Variants in SNX5 observed in about 807,000 individuals in gnomAD.
The protein encoded by SNX5 is sorting nexin-5.
In SNX5, 31 loss-of-function variants were observed where a neutral mutation model predicts 53.9. That is an observed-to-expected ratio of 0.58 (90% confidence interval 0.43 to 0.78). SNX5 has a LOEUF of 0.78. Ranked by LOEUF, SNX5 falls within the 30% of genes least tolerant of loss-of-function variation. SNX5 has a pLI of 0.00. For synonymous variants in SNX5, 168 were observed against 171.1 expected (o/e 0.98, Z 0.14); for missense variants, 471 against 478.8 (o/e 0.98, Z 0.15).
At position 17,943,514 on chromosome 20, in the gene SNX5, G is replaced by C. The variant is rs2039445437; in HGVS notation, c.1079-319C>G. 3 of 277,594 alleles carry C rather than the reference G, an allele frequency of 1.1e-5. No homozygotes were observed. In the East Asian group the frequency reaches 2.7e-4, roughly 25 times the overall value. 17.2% of individuals were successfully genotyped at this position (277,594 alleles called of 1,614,324 possible). Reference sequence around the variant, plus strand: ...CTCTAGGTACCAGTGACTGGGAACAGGGCTGGAGTATGGGTGGTGGTGAGC... The same window carrying C: ...CTCTAGGTACCAGTGACTGGGAACACGGCTGGAGTATGGGTGGTGGTGAGC... On this transcript the variant is annotated intron_variant, in intron 11 of 12. Coordinates refer to ENST00000377759, the MANE Select transcript of SNX5 (RefSeq NM_014426.4).
At chr20:17,963,494 C>T (rs1049018996) in intron 1 of SNX5, among the ~76,000 whole-genome samples, 1 of 152,136 alleles carries the variant, frequency 6.6e-6, no homozygotes, top group Non-Finnish European at 1.5e-5. Context: ...AACAGAAATG[C>T]CAGTTTCCTT....
intron 1 of SNX5, among the ~76,000 whole-genome samples, chr20:17,958,217 A>T (rs1173883847): frequency 1.3e-5 from 2 of 152,176 alleles, no homozygotes; most frequent in African/African-American, 4.8e-5. Context: ...AAGTTGTCAT[A>T]ACACTGGATT....
At chr20:17,964,688 T>G (rs1482194986) in intron 1 of SNX5, among the ~76,000 whole-genome samples, 1 of 152,328 alleles carries the variant, frequency 6.6e-6, no homozygotes, top group East Asian at 1.9e-4. Flanking sequence ...ACTATTTAAC[T>G]TCACTACACA....
intron 5 of SNX5, among the ~76,000 whole-genome samples, chr20:17,951,981 T>C (rs2039576336): frequency 6.6e-6 from 1 of 152,212 alleles, no homozygotes; most frequent in South Asian, 2.1e-4. Context: ...CCCAGCACTT[T>C]GGGAGGCCAA....
rs936868721 is a variant in SNX5, at chr20:17,961,867, C to T, written c.52-4830G>A. On this transcript the variant is annotated intron_variant, in intron 1 of 12. Transcript: ENST00000377759. ...AAGCCTGCCTCCTTGATCAGATTTT[C>T]AGCTGGAAAGATATCCACACCTTGC... is the stretch of plus-strand genomic sequence containing the variant. 2.2e-5 allele frequency: 22 copies of T among 985,326 alleles called. No homozygotes were observed. The African/African-American group carries it at 3.8e-4, about 17-fold the overall frequency. 61.0% of individuals were successfully genotyped at this position (985,326 alleles called of 1,614,324 possible).
At chr20:17,965,913 G>A (rs1171247787) in intron 1 of SNX5, among the ~76,000 whole-genome samples, 1 of 152,056 alleles carries the variant, frequency 6.6e-6, no homozygotes, top group Admixed American at 6.6e-5. Flanking sequence ...TATGGTATTG[G>A]TCAAAGTTCA....
chr20:17,955,334 A>G (rs2035334775), intron 3 of SNX5, 31 bp downstream of exon 3: 1 of 1,502,194 alleles, frequency 6.7e-7, no homozygotes, highest in Non-Finnish European at 9.2e-7. Context: ...GGCAGAAAGA[A>G]CTAGCTTATT....
intron 1 of SNX5, among the ~76,000 whole-genome samples, chr20:17,967,423 G>A (rs1047334671): frequency 6.6e-6 from 1 of 151,944 alleles, no homozygotes; most frequent in Non-Finnish European, 1.5e-5. Context: ...ACCCTTGTTG[G>A]AACAATCCAG....
intron 2 of SNX5, among the ~76,000 whole-genome samples, chr20:17,956,358 G>C (rs891245830): frequency 2.0e-5 from 3 of 152,206 alleles, no homozygotes; most frequent in African/African-American, 7.2e-5. Context: ...CATGGGAAAG[G>C]TCTTTCCCAA....
chr20:17,963,058 A>G (rs1027850841), intron 1 of SNX5: 11 of 358,858 alleles, frequency 3.1e-5, no homozygotes, highest in African/African-American at 2.1e-4. Context: ...TACCGAAATT[A>G]TAATACTTTC....
chr20:17,961,422 T>G, intron 1 of SNX5: 1 of 985,392 alleles, frequency 1.0e-6, no homozygotes, highest in Non-Finnish European at 1.2e-6. Context: ...GACTGCAGAC[T>G]CAGTGCCAAA....
chr20:17,964,759 C>T (rs1276945858), intron 1 of SNX5, among the ~76,000 whole-genome samples: 2 of 152,130 alleles, frequency 1.3e-5, no homozygotes, highest in African/African-American at 4.8e-5. Flanking sequence ...CTGTTCTCAC[C>T]TAATTTGCTC....
intron 1 of SNX5, among the ~76,000 whole-genome samples, chr20:17,966,027 C>T (rs528952575): frequency 5.1e-4 from 78 of 152,220 alleles, no homozygotes; most frequent in African/African-American, 1.8e-3. Flanking sequence ...ACCAGAGCAG[C>T]AGTACTTAGT....
chr20:17,968,317 G>A, intron 1 of SNX5, 58 bp downstream of exon 1: 2 of 1,226,632 alleles, frequency 1.6e-6, no homozygotes, highest in African/African-American at 1.6e-5. Flanking sequence ...AAAGAATGCA[G>A]CGACCCCGGA....
At chr20:17,954,867 C>T (rs766081186) in intron 3 of SNX5, among the ~76,000 whole-genome samples, 10 of 152,128 alleles carry the variant, frequency 6.6e-5, no homozygotes, top group East Asian at 3.9e-4. Context: ...CGCACCACCA[C>T]GCCCAGCAAA....
Position 17,949,052 on chromosome 20 carries a change from A to G in SNX5, c.831+12T>C, listed in dbSNP as rs781407560. The G allele has an allele frequency of 1.2e-6, 2 of 1,611,840 alleles. No individual in the cohort carries two copies. The highest frequency in any genetic ancestry group is 1.7e-6 in the Non-Finnish European group (2 of 1,178,594). On this transcript the variant is annotated intron_variant, in intron 9 of 12. Transcript: ENST00000377759. ...AAATATATATTATGAAGACCAACACAGAAATCCTTACCCTTAGTTTTTCAA... is the reference window on the plus strand; with the variant it reads ...AAATATATATTATGAAGACCAACACGGAAATCCTTACCCTTAGTTTTTCAA...
chr20:17,948,849 G>A (rs777799339), intron 10 of SNX5, 41 bp downstream of exon 10: 18 of 1,508,572 alleles, frequency 1.2e-5, no homozygotes, highest in East Asian at 4.5e-5. Context: ...CAGACTTCTG[G>A]TCCTGCACTG....
rs112145184 is a variant in SNX5, at chr20:17,960,840, C to T, written c.52-3803G>A. ...CCCAGCCTGAGCAAAACGGTGAGAC[C>T]TCATCTCTATTTCAGAATTTTTAAA... On this transcript the variant is annotated intron_variant, in intron 1 of 12. Coordinates refer to ENST00000377759, the MANE Select transcript of SNX5 (RefSeq NM_014426.4). Among the ~76,000 whole-genome samples, 1,473 of 151,716 alleles carry T rather than the reference C, an allele frequency of 9.7e-3. 23 individuals carry two copies. The highest frequency in any genetic ancestry group is 0.034 in the African/African-American group (1,418 of 41,318).
chr20:17,959,477 C>CT (rs2122403813), intron 1 of SNX5, among the ~76,000 whole-genome samples: 1 of 180 alleles, frequency 5.6e-3, no homozygotes, highest in South Asian at 0.25. Context: ...CACTAGCAGC[C>CT]ATTTTGCCCA....
Sources: gnomAD v4.1 joint callset for allele counts (sites outside exome capture counted in the v4.1 genomes callset) on GRCh38, gnomAD v4.1.1 for gene constraint, MANE v1.5 for transcripts, NCBI Gene and HGNC (gene_info 2026-07-23, HGNC 2026-07-21) for gene names.